The following ATXN1 variants were observed in gnomAD, a reference collection of about 807,000 sequenced individuals.
ATXN1 encodes the protein ataxin 1.
In ATXN1, 8 loss-of-function variants were observed where a neutral mutation model predicts 56.4. That is an observed-to-expected ratio of 0.14 (90% confidence interval 0.08 to 0.26). The LOEUF is 0.26. ATXN1 is among the 10% of genes least tolerant of loss of function. The pLI is 1.00. For missense variants in ATXN1, 987 were observed against 1,106.5 expected (o/e 0.89, Z 1.53); for synonymous variants, 514 against 494.6 (o/e 1.04, Z -0.52).
At position 16,299,574 on chromosome 6, in the gene ATXN1, A is replaced by C. The variant is rs1397062056; in HGVS notation, c.*6755T>G. 9 of 152,814 alleles carry C rather than the reference A, an allele frequency of 5.9e-5. No homozygotes were observed. In the East Asian group the frequency reaches 1.7e-3, roughly 29 times the overall value. The allele number at this position is 152,814 out of a possible 1,614,324, so 9.5% of individuals were successfully genotyped here. ...TCTGTACTGGCCATGTCAGTCTGGTAGTGCCCTCAACCCAAGTTCTGGTGT... is the reference window on the plus strand; with the variant it reads ...TCTGTACTGGCCATGTCAGTCTGGTCGTGCCCTCAACCCAAGTTCTGGTGT... On this transcript the variant is annotated 3_prime_UTR_variant, in exon 8 of 8. Transcript: ENST00000436367.
At chr6:16,526,355 G>T (rs960229658) in intron 4 of ATXN1, among the ~76,000 whole-genome samples, 1 of 152,168 alleles carries the variant, frequency 6.6e-6, no homozygotes, top group Non-Finnish European at 1.5e-5. Flanking sequence ...GAGAAAGGCA[G>T]GCTGAATAAA....
intron 4 of ATXN1, among the ~76,000 whole-genome samples, chr6:16,527,427 T>C (rs1009546216): frequency 5.3e-5 from 8 of 151,960 alleles, no homozygotes; most frequent in African/African-American, 1.7e-4. Context: ...AAAGAACACA[T>C]AGCAGCAGCA....
At chr6:16,313,370 G>C (rs535255642) in intron 7 of ATXN1, among the ~76,000 whole-genome samples, 2 of 152,220 alleles carry the variant, frequency 1.3e-5, no homozygotes, top group Non-Finnish European at 2.9e-5. Context: ...CTGTGTGCCA[G>C]AGCAAGACTC....
At chr6:16,674,170 T>A (rs775983802) in intron 2 of ATXN1, among the ~76,000 whole-genome samples, 11 of 152,110 alleles carry the variant, frequency 7.2e-5, no homozygotes, top group African/African-American at 1.2e-4. Context: ...GGACTTTTTT[T>A]TAAAATGGCC....
intron 6 of ATXN1, among the ~76,000 whole-genome samples, chr6:16,405,784 C>T (rs145123345): frequency 3.3e-5 from 5 of 152,228 alleles, no homozygotes; most frequent in East Asian, 3.9e-4. Flanking sequence ...ATACCATGTG[C>T]GAAGTACTGC....
Position 16,312,088 on chromosome 6 carries a change from T to C in ATXN1, c.1918-5229A>G, listed in dbSNP as rs183258423. ...ACTTCACAGGGCAGGCAATATTTAA[T>C]TTTCTGAAAATAACATCTACTGTGT... On this transcript the variant is annotated intron_variant, in intron 7 of 7. Coordinates refer to ENST00000436367, the MANE Select transcript of ATXN1 (RefSeq NM_001128164.2). Among the ~76,000 whole-genome samples the C allele has an allele frequency of 2.0e-5, 3 of 152,302 alleles. No homozygotes were observed. In the East Asian group the frequency reaches 5.8e-4, roughly 29 times the overall value.
chr6:16,456,875 G>A (rs1216022997), intron 6 of ATXN1, among the ~76,000 whole-genome samples: 1 of 152,064 alleles, frequency 6.6e-6, no homozygotes, highest in Non-Finnish European at 1.5e-5. Flanking sequence ...CTGTTGTGGG[G>A]GACTATCTGG....
chr6:16,316,874 T>C (rs1400794604), intron 7 of ATXN1, among the ~76,000 whole-genome samples: 1 of 121,778 alleles, frequency 8.2e-6, no homozygotes. Flanking sequence ...TCTTTTTTTT[T>C]TTTTTTTTTT....
chr6:16,669,100 C>T (rs1424780142), intron 2 of ATXN1, among the ~76,000 whole-genome samples: 1 of 152,188 alleles, frequency 6.6e-6, no homozygotes, highest in African/African-American at 2.4e-5. Flanking sequence ...TTTCCTTCTC[C>T]TCCAAACCCT....
rs1760341574 is a variant in ATXN1 at position 16,477,123 on chromosome 6, AAGACCCAC to A, written c.-161+8841_-161+8848del. Among the ~76,000 whole-genome samples the A allele has an allele frequency of 2.0e-5, 3 of 152,304 alleles. No homozygotes were observed. In the South Asian group the frequency reaches 6.2e-4, roughly 32 times the overall value. On this transcript the variant is annotated intron_variant, in intron 6 of 7. Transcript: ENST00000436367. ...CTCCCTTGTTCCCCATTTCCTTGCA[AAGACCCAC>A]CTTGAGTCTCTTTCTTCGTGAAAAA...
intron 2 of ATXN1, among the ~76,000 whole-genome samples, chr6:16,741,088 G>A (rs559788065): frequency 6.6e-6 from 1 of 152,306 alleles, no homozygotes; most frequent in South Asian, 2.1e-4. Flanking sequence ...CAGGTTTACA[G>A]CACAGGCTAC....
At chr6:16,560,074 A>G (rs754862195) in intron 4 of ATXN1, among the ~76,000 whole-genome samples, 18 of 152,204 alleles carry the variant, frequency 1.2e-4, no homozygotes, top group Non-Finnish European at 2.2e-4. Context: ...AGCTGGAGAT[A>G]TGCCAACGAG....
chr6:16,489,919 G>T (rs1718874103), intron 5 of ATXN1, among the ~76,000 whole-genome samples: 2 of 151,996 alleles, frequency 1.3e-5, no homozygotes, highest in South Asian at 4.1e-4. Flanking sequence ...GCTTGGGGTG[G>T]GGTCAGATAA....
chr6:16,591,023 G>A (rs894103857), intron 3 of ATXN1, among the ~76,000 whole-genome samples: 1 of 152,054 alleles, frequency 6.6e-6, no homozygotes, highest in Non-Finnish European at 1.5e-5. Context: ...TGTATTTTTA[G>A]TAGAGATGGG....
chr6:16,757,942 T>C (rs370275431), intron 1 of ATXN1, among the ~76,000 whole-genome samples: 1 of 152,106 alleles, frequency 6.6e-6, no homozygotes, highest in Non-Finnish European at 1.5e-5. Context: ...CTAAATTACA[T>C]CCTAAAATAA....
intron 4 of ATXN1, among the ~76,000 whole-genome samples, chr6:16,535,906 GT>G (rs1761589241): frequency 6.6e-6 from 1 of 152,134 alleles, no homozygotes; most frequent in Non-Finnish European, 1.5e-5. Flanking sequence ...TTTGTGGACT[GT>G]CCCTCAATTT....
intron 6 of ATXN1, among the ~76,000 whole-genome samples, chr6:16,432,252 T>A (rs1418454534): frequency 6.6e-6 from 1 of 152,182 alleles, no homozygotes; most frequent in Non-Finnish European, 1.5e-5. Context: ...AAATTGACCC[T>A]GCAGGGCTCT....
intron 4 of ATXN1, among the ~76,000 whole-genome samples, chr6:16,561,109 C>T (rs1449094616): frequency 6.6e-6 from 1 of 151,752 alleles, no homozygotes; most frequent in Non-Finnish European, 1.5e-5. Flanking sequence ...AGGCTTCCTA[C>T]CCAGATGACC....
At chr6:16,685,686 A>G (rs1758902841) in intron 2 of ATXN1, among the ~76,000 whole-genome samples, 2 of 152,218 alleles carry the variant, frequency 1.3e-5, no homozygotes, top group Admixed American at 1.3e-4. Flanking sequence ...GGTAATAAAA[A>G]TGAAGTACTA....
Sources: allele counts gnomAD v4.1 joint callset (sites outside exome capture counted in the v4.1 genomes callset), GRCh38; gene constraint gnomAD v4.1.1; transcripts MANE v1.5; gene names NCBI Gene and HGNC (gene_info 2026-07-23, HGNC 2026-07-21).